The following ABCB10 variants were observed in gnomAD, a reference collection of about 807,000 sequenced individuals.
ABCB10 encodes ATP binding cassette subfamily B member 10.
In ABCB10, 54 loss-of-function variants were observed where a neutral mutation model predicts 65.4. The observed-to-expected ratio is 0.83, with a 90% CI of 0.66 to 1.04. The LOEUF (loss-of-function observed/expected upper bound fraction) is 1.04, where lower values mean the gene tolerates loss of function less well. Ranked by LOEUF, ABCB10 falls within the 50% of genes least tolerant of loss-of-function variation. The pLI, the probability that ABCB10 is intolerant of heterozygous loss-of-function variation, is 0.00. For missense variants in ABCB10, 846 were observed against 976.6 expected (o/e 0.87, Z 1.78); for synonymous variants, 418 against 406.5 (o/e 1.03, Z -0.34).
At chr1:229,535,353 G>A (rs1007530497) in intron 6 of ABCB10, among the ~76,000 whole-genome samples, 1 of 152,130 alleles carries the variant, frequency 6.6e-6, no homozygotes, top group African/African-American at 2.4e-5. Context: ...GTAGGTGAAT[G>A]AATAAACTGT....
chr1:229,528,869 G>A (rs566442286), intron 8 of ABCB10, among the ~76,000 whole-genome samples: 106 of 152,220 alleles, frequency 7.0e-4, no homozygotes, highest in Non-Finnish European at 9.3e-4. Flanking sequence ...TTTACTAAGA[G>A]TTGTTTGCTT....
At chr1:229,530,159 G>A (rs374325842) in intron 8 of ABCB10, 40 bp downstream of exon 8, 171 of 1,602,700 alleles carry the variant, frequency 1.1e-4, no homozygotes, top group Non-Finnish European at 1.4e-4. Context: ...AGCAGAGCTC[G>A]GGAGAGTCCC....
chr1:229,524,383 G>A (rs545784686), intron 10 of ABCB10, among the ~76,000 whole-genome samples: 2 of 151,834 alleles, frequency 1.3e-5, no homozygotes, highest in East Asian at 1.9e-4. Flanking sequence ...GGCTGGTCTC[G>A]AACTACTGAG....
intron 11 of ABCB10, among the ~76,000 whole-genome samples, chr1:229,520,556 A>G (rs1234579558): frequency 1.3e-5 from 2 of 152,034 alleles, no homozygotes; most frequent in Admixed American, 6.6e-5. Context: ...ATAAAACATT[A>G]CAAGTCCAGC....
intron 10 of ABCB10, among the ~76,000 whole-genome samples, chr1:229,525,276 CCCTGGGCAAATCAT>C (rs1218697281): frequency 6.6e-6 from 1 of 152,138 alleles, no homozygotes; most frequent in African/African-American, 2.4e-5. Flanking sequence ...TTCCCTGACT[CCCTGGGCAAATCAT>C]CCTGCCACTT....
chr1:229,549,900 ACT>A (rs1178347942), intron 1 of ABCB10: 1 of 173,498 alleles, frequency 5.8e-6, no homozygotes, highest in Non-Finnish European at 1.2e-5. Context: ...ATCTCAAAAC[ACT>A]CTGTCTACGG....
intron 6 of ABCB10, among the ~76,000 whole-genome samples, chr1:229,536,255 C>T (rs370497858): frequency 5.6e-4 from 85 of 152,170 alleles, no homozygotes; most frequent in African/African-American, 1.8e-3. Flanking sequence ...AATCCCAGCA[C>T]TTTGGGAGGC....
At chr1:229,518,924 T>C (rs934726166) in intron 11 of ABCB10, 49 bp from the exon 12 acceptor site, 1 of 1,433,016 alleles carries the variant, frequency 7.0e-7, no homozygotes, top group Non-Finnish European at 9.7e-7. Flanking sequence ...ATTGGAAAAA[T>C]ACAAACTCTC....
At chr1:229,552,512 G>A (rs1571979801) in intron 1 of ABCB10, among the ~76,000 whole-genome samples, 1 of 152,152 alleles carries the variant, frequency 6.6e-6, no homozygotes, top group African/African-American at 2.4e-5. Flanking sequence ...AGCAAAGATG[G>A]AAACAAATAT....
At chr1:229,529,688 A>G (rs1293846768) in intron 8 of ABCB10, among the ~76,000 whole-genome samples, 3 of 151,278 alleles carry the variant, frequency 2.0e-5, no homozygotes, top group Non-Finnish European at 4.4e-5. Flanking sequence ...AAAAAAAAAA[A>G]AAAAAGAAGT....
intron 1 of ABCB10, 49 bp downstream of exon 1, chr1:229,558,087 G>GT: frequency 7.7e-7 from 1 of 1,302,924 alleles, no homozygotes; most frequent in Non-Finnish European, 9.7e-7. Context: ...GACCCCGCGT[G>GT]TGGAGAAGGA....
chr1:229,521,757 A>G (rs1662321159), intron 10 of ABCB10, 122 bp from the exon 11 acceptor site: 8 of 883,026 alleles, frequency 9.1e-6, no homozygotes, highest in Non-Finnish European at 1.4e-5. Flanking sequence ...GCTGACACAG[A>G]TAGACCAGAA....
At position 229,558,305 on chromosome 1, in the gene ABCB10, G is replaced by C. The variant is rs1437420492; in HGVS notation, c.348C>G (p.Ala116=). 4.9e-6 allele frequency: 6 copies of C among 1,235,666 alleles called. No individual in the cohort carries two copies. The South Asian group carries it at 1.3e-4, about 28-fold the overall frequency. The allele number at this position is 1,235,666 out of a possible 1,614,324, so 76.5% of individuals were successfully genotyped here. ...CGGCTGCGGGACCGCCCGGGAACCG[G>C]GCGCGCGGGAGCCGAGGAGCGCCTG... ...AGPGAPRLPR[A]RFPGGPAAAA... The change falls in exon 1 of 13, where the codon GCC becomes GCG. Residue 116 remains alanine, a synonymous_variant. Coordinates refer to ENST00000344517, the MANE Select transcript of ABCB10 (RefSeq NM_012089.3).
At chr1:229,526,650 A>G (rs951006144) in intron 9 of ABCB10, among the ~76,000 whole-genome samples, 6 of 152,234 alleles carry the variant, frequency 3.9e-5, no homozygotes, top group Admixed American at 6.5e-5. Flanking sequence ...AGAGGTTCAG[A>G]AATGGGGGGA....
At position 229,527,216 on chromosome 1, in the gene ABCB10, C is replaced by A. The variant is rs781031078; in HGVS notation, c.1725+13G>T. 1.1e-5 allele frequency: 18 copies of A among 1,604,538 alleles called. No homozygotes were observed. The highest frequency in any genetic ancestry group is 2.2e-5 in the East Asian group (1 of 44,834). On this transcript the variant is annotated intron_variant, in intron 9 of 12. Coordinates refer to ENST00000344517, the MANE Select transcript of ABCB10 (RefSeq NM_012089.3). ...AAAGAAAGTGAAATAGAAATGGAAG[C>A]CTCTCTTCTTACCTGACTCACTGTC...
At chr1:229,523,604 G>A (rs1662365914) in intron 10 of ABCB10, among the ~76,000 whole-genome samples, 1 of 152,130 alleles carries the variant, frequency 6.6e-6, no homozygotes, top group African/African-American at 2.4e-5. Flanking sequence ...GCAGCCTGCT[G>A]ATGGCTTAGG....
At chr1:229,543,130 CAAAA>C (rs35652910) in intron 3 of ABCB10, among the ~76,000 whole-genome samples, 1 of 62,426 alleles carries the variant, frequency 1.6e-5, no homozygotes, top group Admixed American at 1.6e-4. Flanking sequence ...AACTCCATCT[CAAAA>C]AAAAAAAAAA....
At chr1:229,554,808 G>A (rs1176573590) in intron 1 of ABCB10, among the ~76,000 whole-genome samples, 2 of 152,132 alleles carry the variant, frequency 1.3e-5, no homozygotes, top group African/African-American at 2.4e-5. Context: ...GTCCCTGCGG[G>A]ATCTCCATCC....
At chr1:229,558,066 C>T (rs1047179714) in intron 1 of ABCB10, 70 bp downstream of exon 1, 1 of 1,262,928 alleles carries the variant, frequency 7.9e-7, no homozygotes, top group South Asian at 2.4e-5. Context: ...GTGTCCCTCT[C>T]GGCGCCCCGG....
Sources: gnomAD v4.1 joint callset for allele counts (sites outside exome capture counted in the v4.1 genomes callset) on GRCh38, gnomAD v4.1.1 for gene constraint, MANE v1.5 for transcripts, NCBI Gene and HGNC (gene_info 2026-07-23, HGNC 2026-07-21) for gene names.